Variants in ERC1 observed in about 807,000 individuals in gnomAD.
ERC1 encodes the protein ELKS/RAB6-interacting/CAST family member 1.
ERC1 carries 56 observed loss-of-function variants against 132.0 expected under a neutral mutation model. That is an observed-to-expected ratio of 0.42 (90% confidence interval 0.34 to 0.53). The LOEUF (loss-of-function observed/expected upper bound fraction) is 0.53, where lower values mean the gene tolerates loss of function less well. Ranked by LOEUF, ERC1 falls within the 20% of genes least tolerant of loss-of-function variation. ERC1 has a pLI of 0.03. For synonymous variants in ERC1, 478 were observed against 476.1 expected, an observed-to-expected ratio of 1.00 and a Z score of -0.05; for missense variants, 1,202 against 1,349.9, an observed-to-expected ratio of 0.89 and a Z score of 1.72.
chr12:1,320,811 C>T (rs962758474), intron 15 of ERC1, among the ~76,000 whole-genome samples: 4 of 152,188 alleles, frequency 2.6e-5, no homozygotes, highest in Admixed American at 2.0e-4. Flanking sequence ...ACGTCATTCT[C>T]CTGCCTCAGC....
chr12:1,269,528 A>G (rs1307116781), intron 14 of ERC1, among the ~76,000 whole-genome samples: 10 of 152,346 alleles, frequency 6.6e-5, no homozygotes, highest in African/African-American at 1.9e-4. Flanking sequence ...AATGGAAGCC[A>G]TTAAAGAGTT....
At chr12:1,176,527 C>T (rs1215537508) in intron 8 of ERC1, among the ~76,000 whole-genome samples, 2 of 152,146 alleles carry the variant, frequency 1.3e-5, no homozygotes, top group East Asian at 3.8e-4. Context: ...TATCCCCTAA[C>T]AAGAGAGTCA....
At chr12:1,002,427 T>A (rs1044152900) in intron 1 of ERC1, among the ~76,000 whole-genome samples, 1 of 151,386 alleles carries the variant, frequency 6.6e-6, no homozygotes, top group Admixed American at 6.6e-5. Context: ...GCTCAAGTAA[T>A]CTGCCTGCCT....
At chr12:1,335,632 T>G (rs1299067352) in intron 15 of ERC1, among the ~76,000 whole-genome samples, 1 of 152,144 alleles carries the variant, frequency 6.6e-6, no homozygotes, top group African/African-American at 2.4e-5. Context: ...TTTGTCAGGA[T>G]TTTGTTGAGG....
chr12:1,440,368 C>A lies in ERC1; in HGVS notation c.3025-4194C>A, dbSNP rs548653369. On this transcript the variant is annotated intron_variant, in intron 17 of 18. Transcript: ENST00000360905. The stretch of plus-strand genomic sequence containing the variant: ...TACAGACGCCCGCCACCACGCCCGG[C>A]TAATTTTTTTTGTATTTTTAGTAGA... Among the ~76,000 whole-genome samples, 82 of 149,912 alleles carry A rather than the reference C, an allele frequency of 5.5e-4. No homozygotes were observed. The East Asian group carries it at 7.5e-3, about 14-fold the overall frequency.
intron 1 of ERC1, among the ~76,000 whole-genome samples, chr12:1,002,493 A>G (rs555310453): frequency 6.6e-6 from 1 of 152,116 alleles, no homozygotes; most frequent in Admixed American, 6.6e-5. Context: ...TGCCTTGTGC[A>G]AGTCTTTTAG....
chr12:1,206,071 T>C (rs1957328400), intron 12 of ERC1, among the ~76,000 whole-genome samples: 1 of 152,192 alleles, frequency 6.6e-6, no homozygotes, highest in Non-Finnish European at 1.5e-5. Context: ...TACTTATTTC[T>C]AAATAAGTTT....
chr12:1,430,693 T>G (rs1050627104), intron 17 of ERC1: 3 of 152,372 alleles, frequency 2.0e-5, no homozygotes, highest in Non-Finnish European at 2.9e-5. Flanking sequence ...GGTTTATTTT[T>G]TCAATTACTA....
At chr12:1,240,452 A>G (rs1436250204) in intron 13 of ERC1, among the ~76,000 whole-genome samples, 1 of 152,240 alleles carries the variant, frequency 6.6e-6, no homozygotes, top group Non-Finnish European at 1.5e-5. Flanking sequence ...CTTAAGACAG[A>G]TAAGACTTCA....
At chr12:1,487,985 A>G (rs1252829460) in intron 18 of ERC1, among the ~76,000 whole-genome samples, 1 of 151,840 alleles carries the variant, frequency 6.6e-6, no homozygotes, top group Non-Finnish European at 1.5e-5. Flanking sequence ...AAAAATATAA[A>G]AAATTAGCTG....
At chr12:1,438,164 C>T (rs975025108) in intron 17 of ERC1, among the ~76,000 whole-genome samples, 1 of 152,174 alleles carries the variant, frequency 6.6e-6, no homozygotes, top group Non-Finnish European at 1.5e-5. Flanking sequence ...TGCTCCAAAC[C>T]TTTGTGACAA....
At chr12:1,026,015 C>T (rs1248870926) in intron 1 of ERC1, among the ~76,000 whole-genome samples, 2 of 151,936 alleles carry the variant, frequency 1.3e-5, no homozygotes, top group African/African-American at 2.4e-5. Flanking sequence ...AGGCTGGTCT[C>T]GAACTCTTGA....
chr12:1,114,756 A>G (rs978027067), intron 6 of ERC1, among the ~76,000 whole-genome samples: 9 of 152,250 alleles, frequency 5.9e-5, no homozygotes, highest in Non-Finnish European at 1.2e-4. Context: ...TACTTTGTAT[A>G]CAATAAGCAT....
At chr12:996,115 G>A (rs1466187554) in intron 1 of ERC1, among the ~76,000 whole-genome samples, 1 of 150,246 alleles carries the variant, frequency 6.7e-6, no homozygotes, top group Non-Finnish European at 1.5e-5. Flanking sequence ...TTGAGATGGA[G>A]TCTCTCTTTG....
intron 15 of ERC1, among the ~76,000 whole-genome samples, chr12:1,370,403 G>C (rs1461492399): frequency 6.6e-6 from 1 of 152,198 alleles, no homozygotes; most frequent in Non-Finnish European, 1.5e-5. Flanking sequence ...GCATTCATGA[G>C]ATGAAAAGAA....
intron 18 of ERC1, among the ~76,000 whole-genome samples, chr12:1,447,873 C>T (rs530611700): frequency 6.6e-6 from 1 of 152,290 alleles, no homozygotes; most frequent in South Asian, 2.1e-4. Context: ...TGGTCTCGAA[C>T]TCCTGAGCTC....
chr12:1,412,027 A>G (rs2091881526), intron 17 of ERC1, among the ~76,000 whole-genome samples: 1 of 152,194 alleles, frequency 6.6e-6, no homozygotes, highest in Non-Finnish European at 1.5e-5. Flanking sequence ...ATTAACTTTC[A>G]TTGGTTTAAC....
At chr12:1,028,621 A>G (rs1461871188) in intron 2 of ERC1, 49 bp downstream of exon 2, 3 of 1,424,600 alleles carry the variant, frequency 2.1e-6, no homozygotes, top group Non-Finnish European at 2.9e-6. Flanking sequence ...ATGTATATAA[A>G]TGAAATAGCC....
At chr12:1,022,632 A>T (rs1025717971) in intron 1 of ERC1, among the ~76,000 whole-genome samples, 1 of 152,088 alleles carries the variant, frequency 6.6e-6, no homozygotes, top group Non-Finnish European at 1.5e-5. Context: ...CGGTTACCCC[A>T]TGCTGTTCTG....
Sources: gnomAD v4.1 joint callset for allele counts (sites outside exome capture counted in the v4.1 genomes callset) on GRCh38, gnomAD v4.1.1 for gene constraint, MANE v1.5 for transcripts, NCBI Gene and HGNC (gene_info 2026-07-23, HGNC 2026-07-21) for gene names.